Variants in RORA observed in about 807,000 individuals in gnomAD.
The protein encoded by RORA is RAR related orphan receptor A.
In RORA, 7 loss-of-function variants were observed where a neutral mutation model predicts 69.5. The ratio of observed to expected loss-of-function variants is 0.10; its 90% confidence interval spans 0.06 to 0.19. RORA has a LOEUF of 0.19. Ranked by LOEUF, RORA falls within the 10% of genes least tolerant of loss-of-function variation. RORA has a pLI of 1.00. For missense variants in RORA, 457 were observed against 663.0 expected, an observed-to-expected ratio of 0.69 and a Z score of 3.41; for synonymous variants, 261 against 240.8, an observed-to-expected ratio of 1.08 and a Z score of -0.78.
chr15:60,692,684 G>A (rs1235972897), intron 1 of RORA, among the ~76,000 whole-genome samples: 1 of 152,194 alleles, frequency 6.6e-6, no homozygotes, highest in Non-Finnish European at 1.5e-5. Context: ...TGGGTATAGG[G>A]CAGTTCATTC....
intron 1 of RORA, among the ~76,000 whole-genome samples, chr15:60,831,750 C>T (rs2073044938): frequency 6.6e-6 from 1 of 152,162 alleles, no homozygotes; most frequent in Admixed American, 6.5e-5. Context: ...TACTGGAATG[C>T]ACCTTAGTGT....
chr15:61,197,442 C>G (rs527521405), intron 1 of RORA, among the ~76,000 whole-genome samples: 1 of 152,142 alleles, frequency 6.6e-6, no homozygotes, highest in Non-Finnish European at 1.5e-5. Flanking sequence ...TCACGAGGAG[C>G]CCATCCATCT....
At chr15:60,918,268 T>C (rs1024571816) in intron 1 of RORA, among the ~76,000 whole-genome samples, 2 of 152,238 alleles carry the variant, frequency 1.3e-5, no homozygotes, top group African/African-American at 4.8e-5. Context: ...GCAGGCAGTA[T>C]CAATGCCTTC....
intron 2 of RORA, among the ~76,000 whole-genome samples, chr15:60,666,152 G>A (rs976842125): frequency 6.8e-6 from 1 of 146,520 alleles, no homozygotes; most frequent in African/African-American, 2.5e-5. Context: ...TTAAGCCCAA[G>A]GGATACAAAG....
chr15:60,590,761 C>T (rs1416932961), intron 2 of RORA, among the ~76,000 whole-genome samples: 1 of 152,060 alleles, frequency 6.6e-6, no homozygotes, highest in Admixed American at 6.5e-5. Flanking sequence ...AATAATTTTT[C>T]CTCCCAAATA....
At chr15:60,513,986 A>C (rs4775276) in intron 4 of RORA, among the ~76,000 whole-genome samples, 1 of 152,058 alleles carries the variant, frequency 6.6e-6, no homozygotes, top group Non-Finnish European at 1.5e-5. Flanking sequence ...TTGATTATTC[A>C]GTGCACTTAA....
intron 1 of RORA, among the ~76,000 whole-genome samples, chr15:61,153,624 A>G (rs915124338): frequency 6.6e-6 from 1 of 152,182 alleles, no homozygotes; most frequent in African/African-American, 2.4e-5. Context: ...ATGTTTGGCT[A>G]TATAATTTTT....
intron 1 of RORA, among the ~76,000 whole-genome samples, chr15:61,055,644 T>C (rs2078085468): frequency 6.6e-6 from 1 of 152,158 alleles, no homozygotes. Context: ...TTTTTCAAAG[T>C]AATACTAAGC....
At chr15:60,922,861 G>A (rs1267161222) in intron 1 of RORA, among the ~76,000 whole-genome samples, 1 of 152,192 alleles carries the variant, frequency 6.6e-6, no homozygotes, top group Non-Finnish European at 1.5e-5. Flanking sequence ...ATAAAGGAAA[G>A]ACCCTTTAAC....
chr15:60,511,338 G>T lies in RORA; in HGVS notation c.708C>A (p.Ile236=), dbSNP rs2065690154. The change falls in exon 5 of 11, where the codon ATC becomes ATA. Residue 236 remains isoleucine (I), a synonymous_variant. Transcript: ENST00000335670. The surrounding 1 kb of genome is among the most constrained non-coding windows in gnomAD (Gnocchi z 6.4). Reference sequence around the variant, plus strand: ...ATATTGGTTCTGGTTTGATTCCATTGATATCAAGACCTGACTGGTCTGGGG... The same window carrying T: ...ATATTGGTTCTGGTTTGATTCCATTTATATCAAGACCTGACTGGTCTGGGG... ...QPSPDQSGLD[I]NGIKPEPICD... 1 of 1,614,198 alleles carries T rather than the reference G, an allele frequency of 6.2e-7. No homozygotes were observed. Among genetic ancestry groups the T allele is most frequent in the African/African-American group, 1.3e-5 (1 of 75,052 alleles).
At chr15:60,909,490 C>T (rs1395375838) in intron 1 of RORA, among the ~76,000 whole-genome samples, 7 of 152,068 alleles carry the variant, frequency 4.6e-5, no homozygotes, top group African/African-American at 1.2e-4. Context: ...TAGCCTTTAT[C>T]GAACGATTGA....
chr15:60,738,818 C>A (rs1023643632), intron 1 of RORA, among the ~76,000 whole-genome samples: 1 of 152,194 alleles, frequency 6.6e-6, no homozygotes, highest in African/African-American at 2.4e-5. Flanking sequence ...GCTGGCAGGG[C>A]CATGCTTCCT....
chr15:60,827,997 G>A (rs749017037), intron 1 of RORA, among the ~76,000 whole-genome samples: 1 of 152,182 alleles, frequency 6.6e-6, no homozygotes, highest in African/African-American at 2.4e-5. Flanking sequence ...AGACAGATTC[G>A]TGTACATATC....
At chr15:60,769,167 G>A (rs550781608) in intron 1 of RORA, among the ~76,000 whole-genome samples, 13 of 152,294 alleles carry the variant, frequency 8.5e-5, no homozygotes, top group African/African-American at 3.1e-4. Flanking sequence ...GTCCCAGGAA[G>A]TAAAGCAAAG....
chr15:61,054,599 A>G (rs1292952005), intron 1 of RORA, among the ~76,000 whole-genome samples: 10 of 152,188 alleles, frequency 6.6e-5, no homozygotes, highest in African/African-American at 1.9e-4. Context: ...GGTCCCTTCA[A>G]TGAGGATTTT....
chr15:61,113,672 C>T (rs2079026391), intron 1 of RORA, among the ~76,000 whole-genome samples: 1 of 152,136 alleles, frequency 6.6e-6, no homozygotes, highest in Non-Finnish European at 1.5e-5. Flanking sequence ...TAAAATTCTA[C>T]ACACACACAT....
chr15:61,055,151 G>A (rs1306127730), intron 1 of RORA, among the ~76,000 whole-genome samples: 1 of 151,968 alleles, frequency 6.6e-6, no homozygotes, highest in East Asian at 1.9e-4. Context: ...ACACAGTCTT[G>A]AACTTATCTG....
In RORA at chr15:61,037,821, C is replaced by T. The variant is rs116877617; in HGVS notation, c.166+191232G>A. ...TAATAGAAGATGGAAGAAGGCCATG[C>T]GAACACAGAGTAAGTAGTAATTAAC... On this transcript the variant is annotated intron_variant, in intron 1 of 10. Coordinates refer to ENST00000335670, the MANE Select transcript of RORA (RefSeq NM_134261.3). Among the ~76,000 whole-genome samples the T allele has an allele frequency of 1.1e-4, 17 of 152,162 alleles. No homozygotes were observed. In the East Asian group the frequency reaches 3.3e-3, roughly 29 times the overall value.
At chr15:60,773,411 C>A (rs1009361409) in intron 1 of RORA, among the ~76,000 whole-genome samples, 7 of 152,138 alleles carry the variant, frequency 4.6e-5, no homozygotes, top group Admixed American at 2.0e-4. Flanking sequence ...GCTCTACATA[C>A]TTCAGTGTGT....
Sources: allele counts gnomAD v4.1 joint callset (sites outside exome capture counted in the v4.1 genomes callset), GRCh38; gene constraint gnomAD v4.1.1; non-coding constraint Gnocchi (gnomAD v3.1); transcripts MANE v1.5; gene names NCBI Gene and HGNC (gene_info 2026-07-23, HGNC 2026-07-21).